Variants in CDKL5 observed in about 807,000 individuals in gnomAD.
CDKL5 encodes cyclin-dependent kinase-like 5.
CDKL5 carries 8 observed loss-of-function variants against 61.7 expected under a neutral mutation model. The ratio of observed to expected loss-of-function variants is 0.13; its 90% confidence interval spans 0.08 to 0.23. The LOEUF is 0.23. Ranked by LOEUF, CDKL5 falls within the 10% of genes least tolerant of loss-of-function variation. CDKL5 has a pLI of 1.00. For missense variants in CDKL5, 440 were observed against 734.5 expected (o/e 0.60, Z 4.63); for synonymous variants, 275 against 272.3 (o/e 1.01, Z -0.10).
Position 18,601,147 on chromosome X carries a change from C to A in CDKL5, c.977+2534C>A, listed in dbSNP as rs151138099. On this transcript the variant is annotated intron_variant, in intron 11 of 17. Coordinates refer to ENST00000623535, the MANE Select transcript of CDKL5 (RefSeq NM_001323289.2). ...GGAGACACAAACATGCTGTTGCATACCTTGTCTTCTAAATTTTTTCTCTCT... is the reference window on the plus strand; with the variant it reads ...GGAGACACAAACATGCTGTTGCATAACTTGTCTTCTAAATTTTTTCTCTCT... 2.6e-3 allele frequency among the ~76,000 whole-genome samples: 285 copies of A among 111,577 alleles called. 3 individuals are homozygous for A. The highest frequency in any genetic ancestry group is 8.6e-3 in the African/African-American group (263 of 30,713).
intron 1 of CDKL5, among the ~76,000 whole-genome samples, chrX:18,505,407 T>G (rs1025205937): frequency 5.3e-5 from 6 of 112,518 alleles, no homozygotes; most frequent in African/African-American, 1.9e-4. Context: ...TATCAATTGT[T>G]CTTCATAGCG....
intron 4 of CDKL5, among the ~76,000 whole-genome samples, chrX:18,564,877 A>G (rs751055190): frequency 8.9e-6 from 1 of 111,772 alleles, no homozygotes; most frequent in Admixed American, 9.5e-5. Flanking sequence ...CTTCAAGTAA[A>G]TACTTCTGTG....
chrX:18,644,669 T>C (rs767111828), downstream of CDKL5: 194 of 1,178,469 alleles, frequency 1.6e-4, no homozygotes, highest in Middle Eastern at 8.5e-4. Flanking sequence ...CCCCTGTGCA[T>C]GTCTGCAAAA....
In CDKL5 at chrX:18,601,735, T is replaced by TAA. The variant is rs1215695821; in HGVS notation, c.978-2166_978-2165insAA. ...CTCTTTTCATGTTAGAATTGTCTCT[T>TAA]ACGTTGCTCTGAATGTGTTCTTTCT... On this transcript the variant is annotated intron_variant, in intron 11 of 17. Coordinates refer to ENST00000623535, the MANE Select transcript of CDKL5 (RefSeq NM_001323289.2). Among the ~76,000 whole-genome samples the TAA allele has an allele frequency of 5.3e-5, 6 of 112,246 alleles. No individual in the cohort carries two copies. The Admixed American group carries it at 5.7e-4, about 11-fold the overall frequency.
Position 18,464,980 on chromosome X carries a change from C to T in CDKL5, c.-163+39285C>T, listed in dbSNP as rs1932368606. On this transcript the variant is annotated intron_variant, in intron 1 of 17. Transcript: ENST00000623535. ...TATAGTCCAGTTTATCTGTCTTTTC[C>T]TTTATGGTGGGTGCTTGCTGTATCC... Among the ~76,000 whole-genome samples, 3 of 111,750 alleles carry T rather than the reference C, an allele frequency of 2.7e-5. No homozygotes were observed. In the South Asian group the frequency reaches 1.1e-3, roughly 42 times the overall value.
intron 1 of CDKL5, among the ~76,000 whole-genome samples, chrX:18,431,419 TTTTC>T (rs1298170839): frequency 1.5e-3 from 166 of 108,920 alleles, no homozygotes; most frequent in African/African-American, 5.2e-3. Flanking sequence ...TGTTGATTTC[TTTTC>T]TTTTTTTTTT....
chrX:18,619,933 G>A lies in CDKL5; in HGVS notation c.2343G>A (p.Arg781=). The part of the protein sequence containing the change: ...LKEKEKQGFF[R]SMKKKKKKSQ... ...AAAAAGAGAAGCAAGGATTTTTCAG[G>A]TCAATGAAAAAGAAAAAGAAGAAAT... is the stretch of plus-strand genomic sequence containing the variant. Residue 781 remains arginine (R), a synonymous_variant, in exon 16 of 18, where the codon AGG becomes AGA. Coordinates refer to ENST00000623535, the MANE Select transcript of CDKL5 (RefSeq NM_001323289.2). The A allele has an allele frequency of 8.4e-7, 1 of 1,194,280 alleles. No individual in the cohort carries two copies. Among genetic ancestry groups the A allele is most frequent in the Non-Finnish European group, 1.1e-6 (1 of 880,777 alleles).
At position 18,631,234 on chromosome X, in the gene CDKL5, G is replaced by A. The variant is rs139404306; in HGVS notation, c.*2477G>A. The A allele has an allele frequency of 1.3e-6, 1 of 750,441 alleles. No individual in the cohort carries two copies. The highest frequency in any genetic ancestry group is 1.5e-4 in the East Asian group (1 of 6,596). 61.8% of individuals were successfully genotyped at this position (750,441 alleles called of 1,213,427 possible). On this transcript the variant is annotated 3_prime_UTR_variant, in exon 18 of 18. Transcript: ENST00000623535. ...AACCTAATTGTTGAAGAGTCAATAC[G>A]TACTTTTTGTACTTTCCCAGATTTG...
At position 18,634,069 on chromosome X, in the gene CDKL5, A is replaced by C; in HGVS notation, c.*5312A>C. On this transcript the variant is annotated 3_prime_UTR_variant, in exon 18 of 18. Transcript: ENST00000623535. ...AAGCCCTTCATTTCCCACAAGGTTA[A>C]GCTCTCGAAACCCCATTTGATCCTT... The C allele has an allele frequency of 1.3e-6, 1 of 754,173 alleles. No homozygotes were observed. The highest frequency in any genetic ancestry group is 1.6e-6 in the Non-Finnish European group (1 of 639,381). 62.2% of individuals were successfully genotyped at this position (754,173 alleles called of 1,213,427 possible).
Position 18,604,540 on chromosome X carries a change from G to C in CDKL5, c.1616G>C (p.Arg539Thr), listed in dbSNP as rs1356745875. The C allele has an allele frequency of 6.6e-6, 8 of 1,211,764 alleles. No individual in the cohort carries two copies. The highest frequency in any genetic ancestry group is 8.9e-6 in the Non-Finnish European group (8 of 895,481). Residue 539 changes from arginine (R) to threonine (T), a missense_variant, in exon 12 of 18, where the codon AGA (arginine) becomes ACA (threonine). Transcript: ENST00000623535. ...ACCCCCACCAGACACAGTGACACGA[G>C]AACTTTGCTCAGCCCTTCTGGAAGA... Reference protein sequence around the residue: ...SPTPTRHSDTRTLLSPSGRNN... With the variant: ...SPTPTRHSDTTTLLSPSGRNN...
intron 1 of CDKL5, among the ~76,000 whole-genome samples, chrX:18,469,808 C>T (rs1418006981): frequency 8.9e-6 from 1 of 111,807 alleles, no homozygotes; most frequent in Non-Finnish European, 1.9e-5. Context: ...AATTCACGGG[C>T]TTATTTCAAA....
At chrX:18,427,195 C>T (rs1485745199) in intron 1 of CDKL5, among the ~76,000 whole-genome samples, 1 of 110,084 alleles carries the variant, frequency 9.1e-6, no homozygotes, top group Non-Finnish European at 1.9e-5. Flanking sequence ...GAATTTTTGG[C>T]GTTGACACTG....
intron 21 of CDKL5, among the ~76,000 whole-genome samples, chrX:18,653,075 A>G (rs1928117398): frequency 8.9e-6 from 1 of 112,619 alleles, no homozygotes; most frequent in Admixed American, 9.4e-5. Context: ...GTGACAATAT[A>G]GTAGAGTACA....
At chrX:18,530,269 G>A (rs1216832990) in intron 3 of CDKL5, among the ~76,000 whole-genome samples, 1 of 105,530 alleles carries the variant, frequency 9.5e-6, no homozygotes, top group African/African-American at 3.5e-5. Context: ...GGAGGCGACA[G>A]AGGTTGCAGT....
intron 1 of CDKL5, among the ~76,000 whole-genome samples, chrX:18,490,146 T>G (rs1452130562): frequency 8.9e-6 from 1 of 111,750 alleles, no homozygotes; most frequent in Admixed American, 9.6e-5. Context: ...TGTGCATCTC[T>G]TCCATTTGGC....
At chrX:18,521,897 A>G (rs1211453693) in intron 3 of CDKL5, among the ~76,000 whole-genome samples, 1 of 112,223 alleles carries the variant, frequency 8.9e-6, no homozygotes, top group Non-Finnish European at 1.9e-5. Flanking sequence ...CCTCTGGGCT[A>G]TGTGCCTGTC....
In CDKL5 at chrX:18,579,718, A is replaced by C. The variant is rs763305395; in HGVS notation, c.283-130A>C. 78 of 617,041 alleles carry C rather than the reference A, an allele frequency of 1.3e-4. No homozygotes were observed. The African/African-American group carries it at 1.7e-3, about 13-fold the overall frequency. The allele number at this position is 617,041 out of a possible 1,213,427, so 50.9% of individuals were successfully genotyped here. A position where few individuals can be genotyped will look rare whatever the true frequency, so the allele number is the denominator to read the frequency against. On this transcript the variant is annotated intron_variant, in intron 5 of 17. Transcript: ENST00000623535. ...CTGATTCAGCATGAGAAAGTTGTAGATAGAAAGCAAAACAATTAAAAAAAA... is the reference window on the plus strand; with the variant it reads ...CTGATTCAGCATGAGAAAGTTGTAGCTAGAAAGCAAAACAATTAAAAAAAA...
intron 17 of CDKL5, chrX:18,626,710 CTCTCTCT>C (rs1927061388): frequency 1.9e-5 from 1 of 51,659 alleles, no homozygotes; most frequent in Admixed American, 2.4e-4. Context: ...CTCTCTCTCT[CTCTCTCT>C]CTCTCTCCCC....
At chrX:18,514,392 C>T (rs1157299636) in intron 3 of CDKL5, among the ~76,000 whole-genome samples, 2 of 111,102 alleles carry the variant, frequency 1.8e-5, no homozygotes, top group East Asian at 5.6e-4. Flanking sequence ...TTTTAGGACT[C>T]ATTATGACTA....
Sources: gnomAD v4.1 joint callset for allele counts (sites outside exome capture counted in the v4.1 genomes callset) on GRCh38, gnomAD v4.1.1 for gene constraint, MANE v1.5 for transcripts, NCBI Gene and HGNC (gene_info 2026-07-23, HGNC 2026-07-21) for gene names.